The following CELF2 variants were observed in gnomAD, a reference collection of about 807,000 sequenced individuals.
CELF2 encodes CUGBP Elav-like family member 2.
CELF2 carries 8 observed loss-of-function variants against 62.6 expected under a neutral mutation model. The ratio of observed to expected loss-of-function variants is 0.13; its 90% CI spans 0.07 to 0.23. The LOEUF is 0.23. CELF2 is among the 10% of genes least tolerant of loss of function. The probability of loss-of-function intolerance (pLI) is 1.00; values close to 1 mark genes in which losing one functional copy is unlikely to be tolerated. For synonymous variants in CELF2, 258 were observed against 250.0 expected (o/e 1.03, Z -0.30); for missense variants, 333 against 671.0 (o/e 0.50, Z 5.56).
chr10:10,818,546 C>CTTTTTTTTTTTTTTTTTTTTTTT (rs3028992), intron 1 of CELF2, among the ~76,000 whole-genome samples: 1 of 116,538 alleles, frequency 8.6e-6, no homozygotes. Flanking sequence ...TAAATATTTC[C>CTTTTTTTTTTTTTTTTTTTTTTT]TTTTTTTTTT....
In CELF2 at chr10:11,227,872, G is replaced by A. The variant is rs1199153521; in HGVS notation, c.354+10365G>A. On this transcript the variant is annotated intron_variant, in intron 3 of 12. Coordinates refer to ENST00000633077, the MANE Select transcript of CELF2 (RefSeq NM_001326342.2). This position sits in a 1 kb window ranked among gnomAD's most constrained non-coding sequence, Gnocchi z 4.8. The stretch of plus-strand genomic sequence containing the variant: ...CTCCTGGAGGCTTAACTGAGTGACT[G>A]TGGGTCGCTGGGTGTATTTTAATCT... 6.6e-6 allele frequency among the ~76,000 whole-genome samples: 1 copy of A among 152,208 alleles called. No homozygotes were observed. The highest frequency in any genetic ancestry group is 2.1e-4 in the South Asian group (1 of 4,834).
chr10:10,803,418 A>G (rs1226149416), intron 1 of CELF2, among the ~76,000 whole-genome samples: 2 of 152,158 alleles, frequency 1.3e-5, no homozygotes, highest in Non-Finnish European at 2.9e-5. Flanking sequence ...TTATGCAGCC[A>G]GGCTATTTTG....
At chr10:11,183,310 A>T (rs1267992616) in intron 2 of CELF2, among the ~76,000 whole-genome samples, 1 of 152,216 alleles carries the variant, frequency 6.6e-6, no homozygotes, top group Non-Finnish European at 1.5e-5. Flanking sequence ...GTAACGTTTC[A>T]TAGAATGGAG....
intron 3 of CELF2, among the ~76,000 whole-genome samples, chr10:11,238,068 G>C (rs759011467): frequency 6.6e-6 from 1 of 152,184 alleles, no homozygotes; most frequent in Non-Finnish European, 1.5e-5. Context: ...CTGATTTAGC[G>C]CCTGGGTAAG....
At chr10:11,233,658 C>T (rs755849724) in intron 3 of CELF2, among the ~76,000 whole-genome samples, 77 of 152,326 alleles carry the variant, frequency 5.1e-4, no homozygotes, top group Non-Finnish European at 6.8e-4. Context: ...CAAAGCCAAA[C>T]GCAAGAAATG....
At chr10:11,179,368 A>G (rs778422470) in intron 2 of CELF2, among the ~76,000 whole-genome samples, 1 of 152,224 alleles carries the variant, frequency 6.6e-6, no homozygotes, top group Non-Finnish European at 1.5e-5. Context: ...TTATGCAAAT[A>G]AAGATCAGAA....
chr10:10,611,411 C>T, the CELF2 span, among the ~76,000 whole-genome samples: 5 of 152,244 alleles, frequency 3.3e-5, no homozygotes, highest in South Asian at 1.0e-3. Context: ...ACCTGCCACC[C>T]CAGATAAATT....
At chr10:11,298,255 C>T (rs2093385218) in intron 9 of CELF2, among the ~76,000 whole-genome samples, 1 of 152,168 alleles carries the variant, frequency 6.6e-6, no homozygotes, top group African/African-American at 2.4e-5. Flanking sequence ...GTCATCTCCC[C>T]CTGGGAGGAG....
At position 11,010,860 on chromosome 10, in the gene CELF2, G is replaced by C. The variant is rs1181476532; in HGVS notation, c.53+5420G>C. On this transcript the variant is annotated intron_variant, in intron 1 of 12. Transcript: ENST00000416382. This position sits in a 1 kb window ranked among gnomAD's most constrained non-coding sequence, Gnocchi z 4.1. ...GTCAAATCCCTGGTCACTGTTTATA[G>C]TTTCAGCTGCTCAGCCCTTCCTAAA... is the stretch of plus-strand genomic sequence containing the variant. 2 of 152,240 alleles carry C rather than the reference G, an allele frequency of 1.3e-5. No individual in the cohort carries two copies. The highest frequency in any genetic ancestry group is 2.9e-5 in the Non-Finnish European group (2 of 68,046). 9.4% of individuals were successfully genotyped at this position (152,240 alleles called of 1,614,324 possible). A position where few individuals can be genotyped will look rare whatever the true frequency, so the allele number is the denominator to read the frequency against.
intron 1 of CELF2, among the ~76,000 whole-genome samples, chr10:10,831,839 G>A (rs547200448): frequency 6.6e-6 from 1 of 152,236 alleles, no homozygotes; most frequent in Admixed American, 6.5e-5. Context: ...AGGTGTGGTG[G>A]CATGCTCTTG....
At chr10:11,125,381 G>A (rs2058503028) in intron 1 of CELF2, among the ~76,000 whole-genome samples, 2 of 151,920 alleles carry the variant, frequency 1.3e-5, no homozygotes, top group South Asian at 2.1e-4. Context: ...GTGGCCATAG[G>A]GTGAAAGCCC....
At chr10:10,528,876 G>T in the CELF2 span, among the ~76,000 whole-genome samples, 1 of 152,114 alleles carries the variant, frequency 6.6e-6, no homozygotes, top group African/African-American at 2.4e-5. Flanking sequence ...ATTTTGACGC[G>T]ATTATTTACC....
the CELF2 span, among the ~76,000 whole-genome samples, chr10:10,582,810 C>A: frequency 6.6e-6 from 1 of 152,132 alleles, no homozygotes; most frequent in Non-Finnish European, 1.5e-5. Context: ...CTTCTGTATT[C>A]TGCCAGTCTT....
At chr10:10,499,677 A>T in the CELF2 span, among the ~76,000 whole-genome samples, 2 of 152,182 alleles carry the variant, frequency 1.3e-5, no homozygotes, top group South Asian at 4.1e-4. Context: ...CAAGAGTTCG[A>T]GACCAGCCTG....
At chr10:10,725,474 C>A in the CELF2 span, among the ~76,000 whole-genome samples, 20 of 152,228 alleles carry the variant, frequency 1.3e-4, no homozygotes, top group East Asian at 9.6e-4. Context: ...ATACTCACGG[C>A]TGGTGGTCCT....
the CELF2 span, among the ~76,000 whole-genome samples, chr10:10,525,286 G>T: frequency 1.3e-5 from 2 of 152,064 alleles, no homozygotes; most frequent in Non-Finnish European, 2.9e-5. Flanking sequence ...TCCAACCCAC[G>T]ACCCACAGAA....
the CELF2 span, among the ~76,000 whole-genome samples, chr10:10,712,905 C>G: frequency 6.6e-6 from 1 of 152,212 alleles, no homozygotes. Flanking sequence ...GCTCCGTCAA[C>G]AAAGCAATCT....
chr10:10,547,728 T>A, the CELF2 span, among the ~76,000 whole-genome samples: 1 of 151,634 alleles, frequency 6.6e-6, no homozygotes, highest in Non-Finnish European at 1.5e-5. Context: ...TGTGTGTGTG[T>A]GTATCTCAGC....
chr10:10,679,348 G>A, the CELF2 span, among the ~76,000 whole-genome samples: 2 of 152,180 alleles, frequency 1.3e-5, no homozygotes, highest in African/African-American at 2.4e-5. Context: ...GGAGTGAAAT[G>A]ATGTGATCTC....
Sources: gnomAD v4.1 joint callset for allele counts (sites outside exome capture counted in the v4.1 genomes callset) on GRCh38, gnomAD v4.1.1 for gene constraint, Gnocchi (gnomAD v3.1) non-coding constraint, MANE v1.5 for transcripts, NCBI Gene and HGNC (gene_info 2026-07-23, HGNC 2026-07-21) for gene names.